ERC2: variants seen among roughly 807,000 people sequenced by gnomAD.
ERC2 encodes ELKS/RAB6-interacting/CAST family member 2, also known as ERC protein 2.
In ERC2, 42 loss-of-function variants were observed where a neutral mutation model predicts 114.8. That is an observed-to-expected ratio of 0.37 (90% CI 0.29 to 0.47). ERC2 has a LOEUF of 0.47. Among genes scored for constraint, ERC2 ranks in the 20% least tolerant of loss-of-function variants. The probability of loss-of-function intolerance (pLI) is 0.99; values close to 1 mark genes in which losing one functional copy is unlikely to be tolerated. For synonymous variants in ERC2, 454 were observed against 425.5 expected (o/e 1.07, Z -0.82); for missense variants, 939 against 1,150.7 (o/e 0.82, Z 2.66).
At chr3:56,222,461 T>C (rs2049974552) in intron 3 of ERC2, among the ~76,000 whole-genome samples, 2 of 152,150 alleles carry the variant, frequency 1.3e-5, no homozygotes. Flanking sequence ...ATTGGCCAAC[T>C]GTTATTCTTC....
At chr3:56,054,719 C>T (rs1423367076) in intron 7 of ERC2, among the ~76,000 whole-genome samples, 1 of 152,210 alleles carries the variant, frequency 6.6e-6, no homozygotes, top group Admixed American at 6.5e-5. Context: ...GTTCAATATA[C>T]TGTCTGTGGA....
chr3:56,035,654 A>G (rs1283483978), intron 7 of ERC2, among the ~76,000 whole-genome samples: 1 of 152,212 alleles, frequency 6.6e-6, no homozygotes, highest in Non-Finnish European at 1.5e-5. Context: ...GTGAGGATAC[A>G]GCCTTCCTCC....
chr3:55,627,883 C>CTTTTTT (rs10714648), intron 17 of ERC2, among the ~76,000 whole-genome samples: 2 of 82,576 alleles, frequency 2.4e-5, no homozygotes, highest in Non-Finnish European at 4.5e-5. Flanking sequence ...GGACTTGGTG[C>CTTTTTT]TTTTTTTTTT....
At chr3:56,158,058 C>T (rs1291866526) in intron 4 of ERC2, among the ~76,000 whole-genome samples, 1 of 135,406 alleles carries the variant, frequency 7.4e-6, no homozygotes, top group Non-Finnish European at 1.6e-5. Flanking sequence ...ATGGAGCAAA[C>T]AAAGCTAAGA....
chr3:55,688,515 G>A (rs776401277), intron 16 of ERC2, among the ~76,000 whole-genome samples: 9 of 152,174 alleles, frequency 5.9e-5, no homozygotes, highest in Non-Finnish European at 1.3e-4. Flanking sequence ...TTTGACCCCA[G>A]AAGACATTTG....
chr3:55,541,942 A>G (rs79258010), intron 17 of ERC2, among the ~76,000 whole-genome samples: 1,740 of 152,306 alleles, frequency 0.011, 37 homozygotes, highest in African/African-American at 0.04. Flanking sequence ...AATTTTCACA[A>G]TTTTTGCCAA....
chr3:55,543,378 A>G (rs2054529209), intron 17 of ERC2, among the ~76,000 whole-genome samples: 2 of 152,196 alleles, frequency 1.3e-5, no homozygotes. Flanking sequence ...GACATCAAGA[A>G]AAACATCCCG....
At chr3:55,788,190 G>C (rs1401315216) in intron 14 of ERC2, among the ~76,000 whole-genome samples, 3 of 152,210 alleles carry the variant, frequency 2.0e-5, no homozygotes, top group African/African-American at 7.2e-5. Flanking sequence ...TAAGGAATAT[G>C]TGGCAGGGCT....
At chr3:56,132,164 C>A (rs1328655005) in intron 6 of ERC2, among the ~76,000 whole-genome samples, 1 of 152,110 alleles carries the variant, frequency 6.6e-6, no homozygotes, top group Non-Finnish European at 1.5e-5. Flanking sequence ...CCCTGGAGGC[C>A]ACAAAGCATT....
chr3:55,715,763 G>T (rs2064084599), intron 15 of ERC2, among the ~76,000 whole-genome samples: 1 of 152,156 alleles, frequency 6.6e-6, no homozygotes, highest in Non-Finnish European at 1.5e-5. Context: ...GGAATTTTAA[G>T]GTTAATGGCC....
chr3:56,136,761 G>A (rs894094492), intron 6 of ERC2, among the ~76,000 whole-genome samples: 23 of 151,978 alleles, frequency 1.5e-4, no homozygotes, highest in South Asian at 8.3e-4. Context: ...AGAGACAGAC[G>A]TAATTAGATA....
chr3:55,676,972 G>C (rs1428258354), intron 17 of ERC2, among the ~76,000 whole-genome samples: 1 of 152,088 alleles, frequency 6.6e-6, no homozygotes, highest in Admixed American at 6.5e-5. Flanking sequence ...GCTCTGCCAG[G>C]TAACCCTTAT....
chr3:56,225,548 T>C (rs1446115840), intron 3 of ERC2, among the ~76,000 whole-genome samples: 1 of 152,228 alleles, frequency 6.6e-6, no homozygotes, highest in Non-Finnish European at 1.5e-5. Flanking sequence ...TTTATTGAGA[T>C]ACCCAATCAT....
intron 13 of ERC2, among the ~76,000 whole-genome samples, chr3:55,936,193 A>C (rs1559897009): frequency 6.6e-6 from 1 of 152,168 alleles, no homozygotes; most frequent in African/African-American, 2.4e-5. Context: ...TCCCTCACAG[A>C]TACAGCCTCA....
intron 2 of ERC2, among the ~76,000 whole-genome samples, chr3:56,326,738 G>A (rs2057378611): frequency 6.6e-6 from 1 of 152,178 alleles, no homozygotes; most frequent in African/African-American, 2.4e-5. Flanking sequence ...CAGAGTTGGT[G>A]GGCTGCTAGT....
chr3:55,735,011 GT>G, intron 14 of ERC2, 93 bp from the exon 15 acceptor site: 1 of 1,292,786 alleles, frequency 7.7e-7, no homozygotes, highest in South Asian at 1.7e-5. Flanking sequence ...ACAGAGTATT[GT>G]CTCAATGGAA....
chr3:55,844,136 G>T (rs993691418), intron 14 of ERC2, among the ~76,000 whole-genome samples: 1 of 152,112 alleles, frequency 6.6e-6, no homozygotes, highest in Non-Finnish European at 1.5e-5. Flanking sequence ...TGCAATATGT[G>T]GCATATGCTG....
chr3:55,709,181 T>C (rs2063642967), intron 15 of ERC2, among the ~76,000 whole-genome samples: 1 of 152,084 alleles, frequency 6.6e-6, no homozygotes, highest in African/African-American at 2.4e-5. Flanking sequence ...AGTAGAACTC[T>C]AGGAGCATGT....
chr3:56,078,980 C>G (rs1206535290), intron 7 of ERC2, among the ~76,000 whole-genome samples: 1 of 151,658 alleles, frequency 6.6e-6, no homozygotes, highest in Non-Finnish European at 1.5e-5. Context: ...TGTGGGTGGT[C>G]ATGCAATTTT....
Sources: allele counts gnomAD v4.1 joint callset (sites outside exome capture counted in the v4.1 genomes callset), GRCh38; gene constraint gnomAD v4.1.1; transcripts MANE v1.5; gene names NCBI Gene and HGNC (gene_info 2026-07-23, HGNC 2026-07-21).